The following CATSPERE variants were observed in gnomAD, a reference collection of about 807,000 sequenced individuals.
The protein encoded by CATSPERE is cation channel sperm-associated auxiliary subunit epsilon.
Under a neutral mutation model 114.1 loss-of-function variants are expected in CATSPERE, and 93 were observed. The observed-to-expected ratio is 0.81, with a 90% CI of 0.69 to 0.97. The LOEUF is 0.97. Ranked by LOEUF, CATSPERE falls within the 50% of genes least tolerant of loss-of-function variation. The pLI, the probability that CATSPERE is intolerant of heterozygous loss-of-function variation, is 0.00. For synonymous variants in CATSPERE, 341 were observed against 384.1 expected, an observed-to-expected ratio of 0.89 and a Z score of 1.31; for missense variants, 1,058 against 1,131.6, an observed-to-expected ratio of 0.93 and a Z score of 0.93.
At chr1:244,578,823 C>CACATATAT (rs1553369150) in intron 11 of CATSPERE, among the ~76,000 whole-genome samples, 2 of 133,008 alleles carry the variant, frequency 1.5e-5, no homozygotes, top group South Asian at 2.5e-4. Flanking sequence ...GGTGCATATA[C>CACATATAT]ATATATATAT....
chr1:244,617,407 G>T, intron 19 of CATSPERE, 122 bp from the exon 20 acceptor site: 1 of 711,692 alleles, frequency 1.4e-6, no homozygotes, highest in Non-Finnish European at 2.2e-6. Context: ...GCACTGCAGG[G>T]GTAAAATAGA....
chr1:244,524,519 A>G (rs1678178459), intron 8 of CATSPERE, among the ~76,000 whole-genome samples: 1 of 150,222 alleles, frequency 6.7e-6, no homozygotes. Context: ...GCTTCTGCAC[A>G]GCAAAAGAAA....
At chr1:244,542,112 C>G (rs1658901237) in intron 8 of CATSPERE, among the ~76,000 whole-genome samples, 1 of 140,292 alleles carries the variant, frequency 7.1e-6, no homozygotes, top group South Asian at 2.3e-4. Context: ...ACATATGTAA[C>G]AAACCTGCAC....
In CATSPERE at chr1:244,552,725, A is replaced by T. The variant is rs1346624069; in HGVS notation, c.940A>T (p.Ile314Leu). 1 of 1,614,138 alleles carries T rather than the reference A, an allele frequency of 6.2e-7. No homozygotes were observed. Among genetic ancestry groups the T allele is most frequent in the East Asian group, 2.2e-5 (1 of 44,874 alleles). ...VLYIKSFRGF[I>L]RLGGIVNLPD... The stretch of plus-strand genomic sequence containing the variant: ...TTACATAAAGAGTTTTCGTGGATTT[A>T]TAAGACTGGGAGGAATTGTAAATCT... The change falls in exon 9 of 22, where the codon ATA becomes TTA. Residue 314 changes from isoleucine to leucine, a missense_variant. Ile to Leu is a conservative substitution (Grantham distance 5). Around this residue, in one of 2 missense-constraint regions of CATSPERE, gnomAD observed 787 missense variants for 905.6 expected, o/e 0.87. Coordinates refer to ENST00000366534, the MANE Select transcript of CATSPERE (RefSeq NM_001130957.2).
At chr1:244,495,424 T>G in intron 6 of CATSPERE, among the ~76,000 whole-genome samples, 1 of 152,106 alleles carries the variant, frequency 6.6e-6, no homozygotes, top group East Asian at 1.9e-4. Flanking sequence ...AAGTTAGGAT[T>G]TAGAAAATGT....
chr1:244,498,570 G>T (rs970150193), intron 6 of CATSPERE, among the ~76,000 whole-genome samples: 44 of 152,228 alleles, frequency 2.9e-4, no homozygotes, highest in Non-Finnish European at 2.5e-4. Flanking sequence ...GTATGTGAGT[G>T]GGGGGGTGAG....
chr1:244,502,448 T>C (rs191565044), intron 7 of CATSPERE, among the ~76,000 whole-genome samples: 338 of 152,330 alleles, frequency 2.2e-3, no homozygotes, highest in Middle Eastern at 0.014. Context: ...TTCGTTTTCA[T>C]CTAATAGAGA....
intron 1 of CATSPERE, among the ~76,000 whole-genome samples, chr1:244,463,255 G>A (rs951233444): frequency 1.4e-4 from 21 of 152,044 alleles, no homozygotes; most frequent in African/African-American, 5.1e-4. Flanking sequence ...GTAGCTACTT[G>A]AACATTTTTA....
chr1:244,525,002 G>A (rs1322719639), intron 8 of CATSPERE, among the ~76,000 whole-genome samples: 1 of 144,998 alleles, frequency 6.9e-6, no homozygotes, highest in Non-Finnish European at 1.5e-5. Context: ...TATACCCAAA[G>A]GACTATAAAT....
At chr1:244,462,217 A>G (rs1666935669) in intron 1 of CATSPERE, among the ~76,000 whole-genome samples, 4 of 152,176 alleles carry the variant, frequency 2.6e-5, no homozygotes, top group Non-Finnish European at 5.9e-5. Context: ...GTGAGATATA[A>G]CAGTGCCCTT....
upstream of CATSPERE, among the ~76,000 whole-genome samples, chr1:244,451,247 CG>C (rs1327650661): frequency 6.6e-6 from 1 of 152,142 alleles, no homozygotes; most frequent in Non-Finnish European, 1.5e-5. This position sits in a 1 kb window ranked among gnomAD's most constrained non-coding sequence, Gnocchi z 6.6. Flanking sequence ...CGCCCGCAGT[CG>C]GAAGAGTTGG....
intron 8 of CATSPERE, among the ~76,000 whole-genome samples, chr1:244,548,710 A>AAC (rs1302448841): frequency 2.6e-5 from 4 of 152,238 alleles, no homozygotes; most frequent in African/African-American, 9.6e-5. Flanking sequence ...AGAATAGTGA[A>AAC]ACAGTCTTTT....
At position 244,478,026 on chromosome 1, in the gene CATSPERE, T is replaced by C. The variant is rs1333485595; in HGVS notation, c.258+51T>C. ...TAAATCTTGAATAATCATCCTGTTA[T>C]CCTGTTACATTTTATTTTGCCTTTC... On this transcript the variant is annotated intron_variant, in intron 4 of 21. Coordinates refer to ENST00000366534, the MANE Select transcript of CATSPERE (RefSeq NM_001130957.2). 3.8e-6 allele frequency: 5 copies of C among 1,318,692 alleles called. No homozygotes were observed. In the South Asian group the frequency reaches 5.0e-5, roughly 13 times the overall value. The allele number at this position is 1,318,692 out of a possible 1,614,324, so 81.7% of individuals were successfully genotyped here.
Position 244,509,206 on chromosome 1 carries a change from G to A in CATSPERE, c.430-9386G>A, listed in dbSNP as rs1008858114. Among the ~76,000 whole-genome samples the A allele has an allele frequency of 9.9e-5, 15 of 151,974 alleles. No individual in the cohort carries two copies. The East Asian group carries it at 2.9e-3, about 29-fold the overall frequency. The stretch of plus-strand genomic sequence containing the variant: ...CCCATTCAGTATGATGTTAGTTGTG[G>A]GTCTGTGATATATGGCTTTTATTAT... On this transcript the variant is annotated intron_variant, in intron 7 of 21. Transcript: ENST00000366534.
intron 11 of CATSPERE, among the ~76,000 whole-genome samples, chr1:244,576,201 G>T (rs1462125642): frequency 2.0e-5 from 3 of 151,784 alleles, no homozygotes; most frequent in Admixed American, 1.3e-4. Flanking sequence ...TGAGAGTCCA[G>T]ATTTATTCAT....
intron 6 of CATSPERE, among the ~76,000 whole-genome samples, chr1:244,495,902 A>T (rs1673008600): frequency 6.6e-6 from 1 of 152,208 alleles, no homozygotes; most frequent in African/African-American, 2.4e-5. Flanking sequence ...AGCCCAAGAG[A>T]TTCGGAACCT....
At chr1:244,451,739 C>G, upstream of CATSPERE, 16 of 1,606,600 alleles carry the variant, frequency 1.0e-5, no homozygotes, top group Non-Finnish European at 1.4e-5. This position sits in a 1 kb window ranked among gnomAD's most constrained non-coding sequence, Gnocchi z 6.6. Flanking sequence ...ACCCGGTTTC[C>G]TCCGGGCCGC....
chr1:244,534,407 C>T (rs1375055308), intron 8 of CATSPERE, among the ~76,000 whole-genome samples: 2 of 152,006 alleles, frequency 1.3e-5, no homozygotes, highest in East Asian at 3.9e-4. Flanking sequence ...TAGATTTGCC[C>T]CGTTGAGGCT....
intron 8 of CATSPERE, among the ~76,000 whole-genome samples, chr1:244,525,521 G>A (rs1409363542): frequency 6.6e-6 from 1 of 151,716 alleles, no homozygotes; most frequent in East Asian, 1.9e-4. Flanking sequence ...AAATAAAAAA[G>A]AAAGTCATTG....
Sources: allele counts gnomAD v4.1 joint callset (sites outside exome capture counted in the v4.1 genomes callset), GRCh38; gene constraint gnomAD v4.1.1; regional missense constraint gnomAD v4.1.1; non-coding constraint Gnocchi (gnomAD v3.1); transcripts MANE v1.5; gene names NCBI Gene and HGNC (gene_info 2026-07-23, HGNC 2026-07-21).